TRIP11: variants seen among roughly 807,000 people sequenced by gnomAD.
TRIP11 encodes thyroid hormone receptor interactor 11.
A neutral mutation model predicts 223.1 loss-of-function variants in TRIP11; 148 were observed. The ratio of observed to expected loss-of-function variants is 0.66; its 90% CI spans 0.58 to 0.76. The LOEUF (loss-of-function observed/expected upper bound fraction) is 0.76, where lower values mean the gene tolerates loss of function less well. TRIP11 is among the 30% of genes least tolerant of loss of function. The probability of loss-of-function intolerance (pLI) is 0.00; values close to 1 mark genes in which losing one functional copy is unlikely to be tolerated. For synonymous variants in TRIP11, 762 were observed against 772.6 expected (o/e 0.99, Z 0.23); for missense variants, 2,043 against 2,222.0 (o/e 0.92, Z 1.62).
intron 4 of TRIP11, among the ~76,000 whole-genome samples, chr14:92,018,694 T>TC (rs1179492650): frequency 1.3e-5 from 2 of 152,086 alleles, no homozygotes; most frequent in African/African-American, 4.8e-5. Flanking sequence ...GCACAGTGGC[T>TC]CATGCCTATA....
intron 2 of TRIP11, 96 bp from the exon 3 acceptor site, chr14:92,025,516 C>CCAG: frequency 1.3e-6 from 1 of 796,854 alleles, no homozygotes; most frequent in Non-Finnish European, 2.0e-6. Context: ...CTTTCCCCCC[C>CCAG]CAAAAATGTC....
chr14:91,989,540 C>G (rs2056647313), intron 15 of TRIP11, among the ~76,000 whole-genome samples: 1 of 149,600 alleles, frequency 6.7e-6, no homozygotes, highest in Non-Finnish European at 1.5e-5. Flanking sequence ...GCAGGTCTCT[C>G]CTCACTGCAT....
Position 92,004,094 on chromosome 14 carries a change from G to C in TRIP11, c.3882C>G (p.Ser1294Arg), listed in dbSNP as rs757043730. 6.2e-7 allele frequency: 1 copy of C among 1,614,172 alleles called. No homozygotes were observed. Among genetic ancestry groups the C allele is most frequent in the South Asian group, 1.1e-5 (1 of 91,080 alleles). Reference sequence around the variant, plus strand: ...CCTTGGTATTGCAAAGCTGCCCAATGCTGTGCTGAACTTGTGCTAATTCCT... The same window carrying C: ...CCTTGGTATTGCAAAGCTGCCCAATCCTGTGCTGAACTTGTGCTAATTCCT... ...FGQELAQVQH[S>R]IGQLCNTKDL... The change falls in exon 11 of 21, where the codon AGC becomes AGG. Residue 1294 changes from serine (S) to arginine (R), a missense_variant. Physicochemically the swap from Ser to Arg is moderately radical, Grantham distance 110. Transcript: ENST00000267622.
chr14:92,009,585 ATATAG>A (rs147646514), intron 9 of TRIP11, among the ~76,000 whole-genome samples: 3,678 of 152,232 alleles, frequency 0.024, 146 homozygotes, highest in African/African-American at 0.083. Context: ...AATATATATA[ATATAG>A]TAATTTTTAA....
chr14:92,021,083 A>AG (rs1191833610), intron 4 of TRIP11, among the ~76,000 whole-genome samples: 4 of 148,568 alleles, frequency 2.7e-5, no homozygotes, highest in East Asian at 2.0e-4. Flanking sequence ...AAAAAAAAAA[A>AG]AAAGAAAGAA....
chr14:92,028,843 A>T (rs1468952197), intron 2 of TRIP11, among the ~76,000 whole-genome samples: 2 of 152,244 alleles, frequency 1.3e-5, no homozygotes, highest in Admixed American at 6.5e-5. Flanking sequence ...ATCTTAAAAT[A>T]TTCCGTCCTG....
rs538092437 is a variant in TRIP11 at position 92,014,706 on chromosome 14, A to C, written c.824-129T>G. The stretch of plus-strand genomic sequence containing the variant: ...GCTTAAAAGTTAAATTACTATAATA[A>C]ACTAAGTGTTTTAAAATAAATAAGT... On this transcript the variant is annotated intron_variant, in intron 6 of 20. Coordinates refer to ENST00000267622, the MANE Select transcript of TRIP11 (RefSeq NM_004239.4). 671 of 940,000 alleles carry C rather than the reference A, an allele frequency of 7.1e-4. 12 individuals are homozygous for C. The East Asian group carries it at 0.018, about 25-fold the overall frequency. 58.2% of individuals were successfully genotyped at this position (940,000 alleles called of 1,614,324 possible).
At chr14:92,039,435 G>T in intron 1 of TRIP11, 112 bp downstream of exon 1, 1 of 1,157,208 alleles carries the variant, frequency 8.6e-7, no homozygotes, top group Non-Finnish European at 1.3e-6. Flanking sequence ...AAAAAGGGAG[G>T]AGCAGCATTC....
intron 16 of TRIP11, among the ~76,000 whole-genome samples, chr14:91,980,751 A>T (rs2056527534): frequency 6.6e-6 from 1 of 151,960 alleles, no homozygotes; most frequent in Admixed American, 6.6e-5. Flanking sequence ...AAAAAATGTT[A>T]GAAAGATGAT....
intron 19 of TRIP11, among the ~76,000 whole-genome samples, chr14:91,974,213 T>G (rs1002135132): frequency 8.5e-5 from 13 of 152,178 alleles, no homozygotes; most frequent in Non-Finnish European, 1.8e-4. Flanking sequence ...CTATCCAGTT[T>G]GCAGCTGCAT....
At chr14:92,019,615 T>G (rs911893826) in intron 4 of TRIP11, among the ~76,000 whole-genome samples, 1 of 152,210 alleles carries the variant, frequency 6.6e-6, no homozygotes, top group Non-Finnish European at 1.5e-5. Context: ...ATGTAATTTT[T>G]TTTTACATTG....
At chr14:91,984,942 G>C (rs58878324) in intron 16 of TRIP11, among the ~76,000 whole-genome samples, 3,643 of 152,290 alleles carry the variant, frequency 0.024, 137 homozygotes, top group African/African-American at 0.074. Context: ...AGGAAGGATA[G>C]CAGTAATTCT....
chr14:92,012,015 G>A (rs1250000594), intron 7 of TRIP11, among the ~76,000 whole-genome samples: 2 of 151,442 alleles, frequency 1.3e-5, no homozygotes, highest in Admixed American at 6.6e-5. Flanking sequence ...CCAAGTCTAT[G>A]GATAAGCATA....
Position 91,969,272 on chromosome 14 carries a change from T to C in TRIP11, c.*401A>G. On this transcript the variant is annotated 3_prime_UTR_variant, in exon 21 of 21. Coordinates refer to ENST00000267622, the MANE Select transcript of TRIP11 (RefSeq NM_004239.4). ...CTATGCAGAGAAGCCACTACTAGTA[T>C]TTTTTTATTCTTCGTTTAAAAAAAA... 2 of 311,974 alleles carry C rather than the reference T, an allele frequency of 6.4e-6. No homozygotes were observed. The highest frequency in any genetic ancestry group is 1.2e-5 in the Non-Finnish European group (2 of 167,108). 19.3% of individuals were successfully genotyped at this position (311,974 alleles called of 1,614,324 possible).
intron 20 of TRIP11, among the ~76,000 whole-genome samples, chr14:91,970,367 C>G (rs61293954): frequency 0.024 from 3,641 of 151,878 alleles, 138 homozygotes; most frequent in African/African-American, 0.075. Context: ...GACTGGAGAT[C>G]GCACCACTGC....
At position 92,015,736 on chromosome 14, in the gene TRIP11, A is replaced by G. The variant is rs145020414; in HGVS notation, c.783T>C (p.Tyr261=). The change falls in exon 6 of 21, where the codon TAT becomes TAC. Residue 261 remains tyrosine (Y), a synonymous_variant. Coordinates refer to ENST00000267622, the MANE Select transcript of TRIP11 (RefSeq NM_004239.4). ...SRRHREELSD[Y]EERIEELENL... is the part of the protein sequence containing the mutation. ...TTTCAAGTTCTTCAATTCGTTCTTC[A>G]TAGTCACTTAATTCTTCTCGATGTC... is the stretch of plus-strand genomic sequence containing the variant. 1.4e-4 allele frequency: 220 copies of G among 1,612,866 alleles called. 2 individuals carry two copies. Among genetic ancestry groups the G allele is most frequent in the South Asian group, 9.3e-4 (84 of 90,802 alleles).
rs60778253 is a variant in TRIP11 at position 92,029,280 on chromosome 14, ATTTTTTTTTT to A, written c.202-3870_202-3861del. 4.9e-4 allele frequency among the ~76,000 whole-genome samples: 38 copies of A among 76,796 alleles called. No individual in the cohort carries two copies. The South Asian group carries it at 0.013, about 26-fold the overall frequency. 50.4% of individuals were successfully genotyped at this position (76,796 alleles called of 152,430 possible). On this transcript the variant is annotated intron_variant, in intron 2 of 20. Transcript: ENST00000267622. ...TTCTGACTGCATTGCCCAAAGTATTATTTTTTTTTTTTTTTTTTTTTTTTTTTTTTTTTGA... is the reference window on the plus strand; with the variant it reads ...TTCTGACTGCATTGCCCAAAGTATTATTTTTTTTTTTTTTTTTTTTTTTGA...
At chr14:92,026,456 T>C (rs1186740543) in intron 2 of TRIP11, 1 of 688,028 alleles carries the variant, frequency 1.5e-6, no homozygotes, top group African/African-American at 1.8e-5. Flanking sequence ...ATCTTTGCAT[T>C]GTTCCTCGTC....
At chr14:91,976,796 T>C (rs945129896) in intron 16 of TRIP11, among the ~76,000 whole-genome samples, 1 of 152,206 alleles carries the variant, frequency 6.6e-6, no homozygotes, top group African/African-American at 2.4e-5. Context: ...CTATTTTATT[T>C]TTAAATTATT....
Sources: allele counts gnomAD v4.1 joint callset (sites outside exome capture counted in the v4.1 genomes callset), GRCh38; gene constraint gnomAD v4.1.1; transcripts MANE v1.5; gene names NCBI Gene and HGNC (gene_info 2026-07-23, HGNC 2026-07-21).